BOLL: variants seen among roughly 807,000 people sequenced by gnomAD.
BOLL encodes boule RNA binding protein, also known as protein boule-like.
BOLL carries 23 observed loss-of-function variants against 44.4 expected under a neutral mutation model. That is an observed-to-expected ratio of 0.52 (90% CI 0.37 to 0.73). The LOEUF is 0.73. Ranked by LOEUF, BOLL falls within the 30% of genes least tolerant of loss-of-function variation. The probability of loss-of-function intolerance (pLI) is 0.00; values close to 1 mark genes in which losing one functional copy is unlikely to be tolerated. For missense variants in BOLL, 287 were observed against 338.3 expected (o/e 0.85, Z 1.19); for synonymous variants, 97 against 110.8 (o/e 0.88, Z 0.78).
intron 5 of BOLL, 76 bp downstream of exon 5, chr2:197,775,589 G>A: frequency 1.1e-6 from 1 of 951,944 alleles, no homozygotes; most frequent in Non-Finnish European, 1.6e-6. Flanking sequence ...TTTTAATAAA[G>A]TTCTATAAAA....
chr2:197,776,960 T>A (rs1162125352), intron 4 of BOLL, 99 bp downstream of exon 4: 1 of 953,440 alleles, frequency 1.0e-6, no homozygotes, highest in Non-Finnish European at 1.5e-6. Flanking sequence ...ATGCAAACCT[T>A]TTTTAAAAAG....
chr2:197,772,614 G>T (rs1191851140), intron 5 of BOLL, among the ~76,000 whole-genome samples: 1 of 151,778 alleles, frequency 6.6e-6, no homozygotes, highest in Non-Finnish European at 1.5e-5. Flanking sequence ...AAACATGACC[G>T]CAAGTCTTCA....
chr2:197,758,341 G>A (rs1262774659), intron 7 of BOLL, among the ~76,000 whole-genome samples: 1 of 152,192 alleles, frequency 6.6e-6, no homozygotes, highest in Non-Finnish European at 1.5e-5. Flanking sequence ...ACTGAGATAT[G>A]TCATGTCTCA....
At chr2:197,784,417 T>C (rs1300872985) in intron 1 of BOLL, among the ~76,000 whole-genome samples, 18 of 82,740 alleles carry the variant, frequency 2.2e-4, no homozygotes, top group African/African-American at 5.0e-4. Context: ...TATATATATA[T>C]ATATATATAT....
intron 2 of BOLL, among the ~76,000 whole-genome samples, chr2:197,780,873 A>T: frequency 6.6e-6 from 1 of 152,072 alleles, no homozygotes; most frequent in East Asian, 1.9e-4. Flanking sequence ...TTTGAAAGTA[A>T]GAGTATTCCA....
intron 10 of BOLL, among the ~76,000 whole-genome samples, chr2:197,742,026 A>G (rs1169315782): frequency 5.9e-5 from 9 of 152,234 alleles, no homozygotes; most frequent in Non-Finnish European, 1.2e-4. Flanking sequence ...CACTTCTCAA[A>G]AGAAGACATT....
intron 10 of BOLL, among the ~76,000 whole-genome samples, chr2:197,740,308 C>G (rs1359740319): frequency 6.6e-6 from 1 of 152,078 alleles, no homozygotes. Context: ...AAAGACTATG[C>G]CTACCTTCCT....
chr2:197,738,632 A>G (rs1485967145), intron 10 of BOLL, among the ~76,000 whole-genome samples: 3 of 152,160 alleles, frequency 2.0e-5, no homozygotes, highest in Admixed American at 1.3e-4. Flanking sequence ...TGTTGCTTCA[A>G]GATAATTTTG....
intron 5 of BOLL, among the ~76,000 whole-genome samples, chr2:197,772,354 T>G (rs1574859113): frequency 1.3e-5 from 2 of 152,182 alleles, no homozygotes; most frequent in Admixed American, 1.3e-4. Flanking sequence ...TAAAGTTACT[T>G]CAAGACAACA....
At chr2:197,769,153 T>G (rs947651224) in intron 6 of BOLL, among the ~76,000 whole-genome samples, 9 of 152,064 alleles carry the variant, frequency 5.9e-5, no homozygotes, top group African/African-American at 1.4e-4. Flanking sequence ...CAGGCTTTGG[T>G]ATCAGGATGA....
rs1013205015 is a variant in BOLL, at chr2:197,767,919, G to A, written c.481-1316C>T. Among the ~76,000 whole-genome samples, 6 of 152,012 alleles carry A rather than the reference G, an allele frequency of 3.9e-5. No individual in the cohort carries two copies. The East Asian group carries it at 9.7e-4, about 25-fold the overall frequency. On this transcript the variant is annotated intron_variant, in intron 6 of 10. Coordinates refer to ENST00000392296, the MANE Select transcript of BOLL (RefSeq NM_033030.6). ...CCTTTTTCAAGAACAAGGTCATGAT[G>A]TTTTCACTACATCAATACTGTAGCA...
intron 2 of BOLL, 95 bp from the exon 3 acceptor site, chr2:197,779,161 T>A: frequency 1.1e-6 from 1 of 882,362 alleles, no homozygotes; most frequent in Non-Finnish European, 1.7e-6. Flanking sequence ...AAGTTATAGA[T>A]AAGATGCATG....
In BOLL at chr2:197,734,697, A is replaced by T. The variant is rs554512031; in HGVS notation, c.829-6119T>A. ...AGCTGGAAACCATCATTCTCAGCAA[A>T]CTATTGCAAGGACAAAAAACCAAAC... On this transcript the variant is annotated intron_variant, in intron 10 of 10. Transcript: ENST00000392296. Among the ~76,000 whole-genome samples the T allele has an allele frequency of 6.2e-4, 95 of 152,282 alleles. 1 individual carries two copies. Among genetic ancestry groups the T allele is most frequent in the African/African-American group, 2.1e-3 (89 of 41,570 alleles).
intron 2 of BOLL, 127 bp downstream of exon 2, chr2:197,781,595 T>G: frequency 2.1e-6 from 2 of 974,594 alleles, no homozygotes; most frequent in Non-Finnish European, 2.9e-6. Context: ...TTCTTTATAA[T>G]AAGATAATTC....
At chr2:197,782,865 G>A (rs1689853031) in intron 1 of BOLL, among the ~76,000 whole-genome samples, 1 of 152,092 alleles carries the variant, frequency 6.6e-6, no homozygotes, top group Non-Finnish European at 1.5e-5. Flanking sequence ...GCTCATAAAT[G>A]TTTATTCCAA....
At chr2:197,762,804 C>T (rs1414145372) in intron 7 of BOLL, among the ~76,000 whole-genome samples, 1 of 152,048 alleles carries the variant, frequency 6.6e-6, no homozygotes, top group East Asian at 1.9e-4. Flanking sequence ...AACACCCTTA[C>T]AATGTACCTC....
chr2:197,766,534 G>C lies in BOLL; in HGVS notation c.550C>G (p.Gln184Glu), dbSNP rs1402299365. The change falls in exon 7 of 11, where the codon CAG becomes GAG. Residue 184 changes from glutamine (Q) to glutamate (E), a missense_variant and splice_region_variant. Physicochemically the swap from Gln to Glu is conservative, Grantham distance 29. Coordinates refer to ENST00000392296, the MANE Select transcript of BOLL (RefSeq NM_033030.6). ...TTTTAATTGTAATTTATGTTTACCT[G>C]GTAGTGATATGCAGGTTGCTGATAA... ...PIYQQPAYHY[Q>E]ATTQYLPGQW... is the part of the protein sequence containing the mutation. 1.2e-6 allele frequency: 2 copies of C among 1,602,022 alleles called. No homozygotes were observed. The highest frequency in any genetic ancestry group is 1.7e-5 in the Admixed American group (1 of 59,774).
At position 197,727,078 on chromosome 2, in the gene BOLL, TAATC is replaced by T. The variant is rs372905447; in HGVS notation, c.*1473_*1476del. The T allele has an allele frequency of 2.9e-4, 44 of 152,660 alleles. No individual in the cohort carries two copies. The highest frequency in any genetic ancestry group is 6.8e-3 in the Middle Eastern group (2 of 294). The allele number at this position is 152,660 out of a possible 1,614,324, so 9.5% of individuals were successfully genotyped here. A position where few individuals can be genotyped will look rare whatever the true frequency, so the allele number is the denominator to read the frequency against. ...ACTTCTGAAATTTCATTGTGGGACT[TAATC>T]TATTTACATTCCTAAAACTGAGAAT... is the stretch of plus-strand genomic sequence containing the variant. On this transcript the variant is annotated 3_prime_UTR_variant, in exon 11 of 11. Coordinates refer to ENST00000392296, the MANE Select transcript of BOLL (RefSeq NM_033030.6).
intron 6 of BOLL, among the ~76,000 whole-genome samples, chr2:197,771,554 T>C (rs1294739493): frequency 6.6e-6 from 1 of 151,994 alleles, no homozygotes; most frequent in Non-Finnish European, 1.5e-5. Context: ...CTATATGTCA[T>C]TTATGAATAC....
Sources: gnomAD v4.1 joint callset for allele counts (sites outside exome capture counted in the v4.1 genomes callset) on GRCh38, gnomAD v4.1.1 for gene constraint, MANE v1.5 for transcripts, NCBI Gene and HGNC (gene_info 2026-07-23, HGNC 2026-07-21) for gene names.